The following PTP4A1 variants were observed in gnomAD, a reference collection of about 807,000 sequenced individuals.
PTP4A1 encodes protein tyrosine phosphatase type IVA 1.
Under a neutral mutation model 20.5 loss-of-function variants are expected in PTP4A1, and 9 were observed. The ratio of observed to expected loss-of-function variants is 0.44; its 90% CI spans 0.26 to 0.77. The LOEUF (loss-of-function observed/expected upper bound fraction) is 0.77, where lower values mean the gene tolerates loss of function less well. Among genes scored for constraint, PTP4A1 ranks in the 30% least tolerant of loss-of-function variants. PTP4A1 has a pLI of 0.19. For missense variants in PTP4A1, 137 were observed against 218.8 expected (o/e 0.63, Z 2.36); for synonymous variants, 78 against 67.4 (o/e 1.16, Z -0.77).
chr6:63,520,423 TC>T (rs1774877605), upstream of PTP4A1, among the ~76,000 whole-genome samples: 1 of 152,012 alleles, frequency 6.6e-6, no homozygotes, highest in Admixed American at 6.6e-5. Context: ...GGCCAGGAGT[TC>T]AAGACCAGCC....
At chr6:63,573,944 C>A (rs140893835) in intron 1 of PTP4A1, among the ~76,000 whole-genome samples, 1 of 152,224 alleles carries the variant, frequency 6.6e-6, no homozygotes, top group East Asian at 1.9e-4. Context: ...GTTGTTGCCT[C>A]CTGTTGGTTT....
chr6:63,567,208 T>C (rs1460599972), intron 3 of PTP4A1, among the ~76,000 whole-genome samples: 2 of 152,236 alleles, frequency 1.3e-5, no homozygotes, highest in Non-Finnish European at 2.9e-5. Context: ...ATGTTCTTAA[T>C]GGCATCTAGA....
intron 3 of PTP4A1, among the ~76,000 whole-genome samples, chr6:63,555,605 C>G (rs1776645406): frequency 6.6e-6 from 1 of 151,516 alleles, no homozygotes. Context: ...CATGACATAT[C>G]AGCTTTGTAT....
At chr6:63,520,452 C>T (rs184782986), upstream of PTP4A1, among the ~76,000 whole-genome samples, 329 of 152,004 alleles carry the variant, frequency 2.2e-3, 1 homozygote, top group African/African-American at 7.5e-3. Context: ...TGTGGCAAAA[C>T]CCCATCTGTA....
At chr6:63,573,028 G>T (rs1777570847) in intron 1 of PTP4A1, among the ~76,000 whole-genome samples, 1 of 152,090 alleles carries the variant, frequency 6.6e-6, no homozygotes, top group African/African-American at 2.4e-5. Flanking sequence ...CGGCGGCCGG[G>T]GGCAGTTTCG....
At chr6:63,526,650 A>C (rs967762711) in intron 1 of PTP4A1, among the ~76,000 whole-genome samples, 1 of 151,652 alleles carries the variant, frequency 6.6e-6, no homozygotes, top group African/African-American at 2.4e-5. Context: ...TCTACTAAAA[A>C]TACAAAAATT....
In PTP4A1 at chr6:63,565,909, C is replaced by G. The variant is rs943471114; in HGVS notation, c.-445-10527C>G. 2.0e-5 allele frequency among the ~76,000 whole-genome samples: 3 copies of G among 152,312 alleles called. No individual in the cohort carries two copies. In the South Asian group the frequency reaches 6.2e-4, roughly 32 times the overall value. On this transcript the variant is annotated intron_variant, in intron 3 of 3. Coordinates refer to the PTP4A1 transcript ENST00000639568. Reference sequence around the variant, plus strand: ...TTTAGTTTTGAACAATATTTAAGCACTGCAAATTATATGTTCATAGAGATT... The same window carrying G: ...TTTAGTTTTGAACAATATTTAAGCAGTGCAAATTATATGTTCATAGAGATT...
intron 3 of PTP4A1, among the ~76,000 whole-genome samples, chr6:63,562,425 C>A (rs1424895019): frequency 6.6e-6 from 1 of 152,142 alleles, no homozygotes; most frequent in Non-Finnish European, 1.5e-5. Flanking sequence ...TCTCGAACTC[C>A]CGACCTCAAG....
chr6:63,520,482 C>T (rs1042304188), upstream of PTP4A1, among the ~76,000 whole-genome samples: 2 of 151,792 alleles, frequency 1.3e-5, no homozygotes, highest in African/African-American at 4.8e-5. Context: ...CAAAAATTAG[C>T]CAGGTGTGAT....
At chr6:63,564,561 T>C (rs1401815837) in intron 3 of PTP4A1, among the ~76,000 whole-genome samples, 1 of 152,240 alleles carries the variant, frequency 6.6e-6, no homozygotes, top group East Asian at 1.9e-4. Flanking sequence ...GTCTGGATTA[T>C]CTGCAGCCTA....
At chr6:63,578,359 AGAT>A (rs1778007775) in intron 2 of PTP4A1, 75 bp from the exon 3 acceptor site, 2 of 1,444,548 alleles carry the variant, frequency 1.4e-6, no homozygotes, top group Non-Finnish European at 9.3e-7. Flanking sequence ...TACTGATCAG[AGAT>A]GATCAGAATA....
At chr6:63,537,504 G>A (rs1323600996) in intron 2 of PTP4A1, among the ~76,000 whole-genome samples, 2 of 152,218 alleles carry the variant, frequency 1.3e-5, no homozygotes, top group African/African-American at 4.8e-5. Context: ...GCTCCCAGTA[G>A]AGAACCATTG....
exon 3 of PTP4A1, chr6:63,550,457 G>T (rs192753961): frequency 6.6e-6 from 1 of 152,242 alleles, no homozygotes; most frequent in Non-Finnish European, 1.5e-5. Context: ...TTCTTCAGAC[G>T]ACTCTACCTG....
chr6:63,531,989 C>T (rs375191069), intron 2 of PTP4A1, among the ~76,000 whole-genome samples: 10 of 152,118 alleles, frequency 6.6e-5, no homozygotes, highest in African/African-American at 9.6e-5. Flanking sequence ...TTAGTAGAGA[C>T]GGGGTTTCAC....
chr6:63,564,347 G>A (rs1777095927), intron 3 of PTP4A1, among the ~76,000 whole-genome samples: 1 of 151,758 alleles, frequency 6.6e-6, no homozygotes, highest in South Asian at 2.1e-4. Context: ...GTATCTTCCA[G>A]CCATGAATGG....
intron 2 of PTP4A1, among the ~76,000 whole-genome samples, chr6:63,545,435 G>A (rs2149486437): frequency 6.6e-6 from 1 of 152,058 alleles, no homozygotes; most frequent in Admixed American, 6.6e-5. Context: ...CAGGGTGAAA[G>A]CTTGTCTCTA....
intron 3 of PTP4A1, among the ~76,000 whole-genome samples, chr6:63,555,016 G>A (rs1447690897): frequency 6.6e-6 from 1 of 152,170 alleles, no homozygotes; most frequent in Non-Finnish European, 1.5e-5. Flanking sequence ...ACATGTGGCT[G>A]ATATCAGAAC....
chr6:63,545,471 C>T lies in PTP4A1; in HGVS notation c.-639-4829C>T, dbSNP rs561085326. 2.0e-4 allele frequency among the ~76,000 whole-genome samples: 30 copies of T among 151,846 alleles called. No homozygotes were observed. The South Asian group carries it at 2.7e-3, about 14-fold the overall frequency. On this transcript the variant is annotated intron_variant, in intron 2 of 3. Coordinates refer to the PTP4A1 transcript ENST00000639568. Reference sequence around the variant, plus strand: ...CTAAAAATACAAAAAATTAGCTGGGCGTGGTGGCACATGCCTGTAATCCCA... The same window carrying T: ...CTAAAAATACAAAAAATTAGCTGGGTGTGGTGGCACATGCCTGTAATCCCA...
At chr6:63,577,286 A>ATT (rs1007035909) in intron 2 of PTP4A1, among the ~76,000 whole-genome samples, 1 of 152,122 alleles carries the variant, frequency 6.6e-6, no homozygotes, top group Non-Finnish European at 1.5e-5. Context: ...CCATTTATGG[A>ATT]TTTTTTATAT....
Sources: gnomAD v4.1 joint callset for allele counts (sites outside exome capture counted in the v4.1 genomes callset) on GRCh38, gnomAD v4.1.1 for gene constraint, MANE v1.5 for transcripts, NCBI Gene and HGNC (gene_info 2026-07-23, HGNC 2026-07-21) for gene names.